Variants in SMG7 observed in about 807,000 individuals in gnomAD.
SMG7 encodes the protein nonsense-mediated mRNA decay factor SMG7.
In SMG7, 34 loss-of-function variants were observed where a neutral mutation model predicts 148.2. The ratio of observed to expected loss-of-function variants is 0.23; its 90% CI spans 0.17 to 0.31. The LOEUF (loss-of-function observed/expected upper bound fraction) is 0.31. Ranked by LOEUF, SMG7 falls within the 10% of genes least tolerant of loss-of-function variation. The probability of loss-of-function intolerance (pLI) is 1.00; values close to 1 mark genes in which losing one functional copy is unlikely to be tolerated. For synonymous variants in SMG7, 492 were observed against 515.1 expected, an observed-to-expected ratio of 0.96 and a Z score of 0.61; for missense variants, 1,114 against 1,408.4, an observed-to-expected ratio of 0.79 and a Z score of 3.35.
At chr1:183,502,508 C>T in intron 1 of SMG7, 1 of 831,018 alleles carries the variant, frequency 1.2e-6, no homozygotes, top group Non-Finnish European at 1.7e-6. Flanking sequence ...TTGATTTTGG[C>T]CAAGATCGGG....
At chr1:183,523,614 T>C (rs190421197) in intron 4 of SMG7, among the ~76,000 whole-genome samples, 12 of 152,254 alleles carry the variant, frequency 7.9e-5, no homozygotes, top group Admixed American at 6.5e-4. Context: ...TTATGAAACA[T>C]CCTTTTCTCT....
At chr1:183,520,186 T>C (rs1236965187) in intron 4 of SMG7, among the ~76,000 whole-genome samples, 1 of 152,154 alleles carries the variant, frequency 6.6e-6, no homozygotes, top group Non-Finnish European at 1.5e-5. Flanking sequence ...AGTTAAATTA[T>C]GGCATAACTG....
intron 12 of SMG7, 60 bp from the exon 13 acceptor site, chr1:183,540,924 T>C (rs1668702863): frequency 6.4e-7 from 1 of 1,570,312 alleles, no homozygotes; most frequent in Admixed American, 1.7e-5. Flanking sequence ...GTGAACTTGG[T>C]TGCCTGGAAA....
chr1:183,485,141 A>C (rs767635237), intron 1 of SMG7, among the ~76,000 whole-genome samples: 1 of 152,218 alleles, frequency 6.6e-6, no homozygotes, highest in Non-Finnish European at 1.5e-5. Flanking sequence ...GCAAACAGGC[A>C]TAGGAGACAT....
intron 1 of SMG7, among the ~76,000 whole-genome samples, 174 bp from the exon 2 acceptor site, chr1:183,512,663 T>C (rs1278189113): frequency 3.3e-5 from 5 of 152,180 alleles, no homozygotes; most frequent in African/African-American, 9.7e-5. Flanking sequence ...GCCAAGACCT[T>C]GTGCTACCCT....
intron 1 of SMG7, among the ~76,000 whole-genome samples, chr1:183,502,877 T>C (rs1414888710): frequency 6.6e-6 from 1 of 152,222 alleles, no homozygotes; most frequent in Non-Finnish European, 1.5e-5. Context: ...AGAAGCCCTC[T>C]TGTACATGTG....
chr1:183,539,153 A>G (rs1316176614), intron 12 of SMG7, among the ~76,000 whole-genome samples: 2 of 151,406 alleles, frequency 1.3e-5, no homozygotes, highest in Non-Finnish European at 3.0e-5. Flanking sequence ...CTCCGTCTCA[A>G]AAAAAAAAGA....
intron 18 of SMG7, chr1:183,549,002 A>C: frequency 1.7e-6 from 1 of 575,928 alleles, no homozygotes; most frequent in South Asian, 2.1e-5. Context: ...GGTTTGATCT[A>C]AAAGGAGGAT....
chr1:183,540,606 CTT>C (rs1326687254), intron 12 of SMG7, among the ~76,000 whole-genome samples: 1 of 152,080 alleles, frequency 6.6e-6, no homozygotes, highest in African/African-American at 2.4e-5. Context: ...CTCAGAGACT[CTT>C]AGCATTGCCA....
intron 1 of SMG7, among the ~76,000 whole-genome samples, chr1:183,491,513 A>C (rs919715009): frequency 7.9e-5 from 12 of 152,224 alleles, no homozygotes; most frequent in African/African-American, 2.9e-4. Flanking sequence ...TGTTACATAC[A>C]TGCACATATA....
In SMG7 at chr1:183,538,454, G is replaced by A. The variant is rs201944700; in HGVS notation, c.1295+14G>A. 3.8e-6 allele frequency: 6 copies of A among 1,566,340 alleles called. No individual in the cohort carries two copies. The highest frequency in any genetic ancestry group is 1.4e-5 in the African/African-American group (1 of 73,944). On this transcript the variant is annotated intron_variant, in intron 12 of 22. Transcript: ENST00000688051. The stretch of plus-strand genomic sequence containing the variant: ...ACCTTCTTTCAGGTAGGTGATAGCT[G>A]AAGTACCTTTATCATTGCCAGTGAT...
intron 18 of SMG7, among the ~76,000 whole-genome samples, chr1:183,548,604 C>T (rs749018121): frequency 2.0e-5 from 3 of 152,056 alleles, no homozygotes; most frequent in Admixed American, 2.0e-4. Flanking sequence ...CTTCTCTTGT[C>T]GTAGGTATTT....
chr1:183,539,578 C>T (rs571744742), intron 12 of SMG7, among the ~76,000 whole-genome samples: 1 of 152,282 alleles, frequency 6.6e-6, no homozygotes, highest in Non-Finnish European at 1.5e-5. Context: ...TCTGACCTCC[C>T]TTACGCATTT....
Position 183,545,957 on chromosome 1 carries a change from C to T in SMG7, c.2371-9C>T, listed in dbSNP as rs201632353. The T allele has an allele frequency of 2.6e-4, 412 of 1,570,916 alleles. 3 individuals carry two copies. The African/African-American group carries it at 4.9e-3, about 19-fold the overall frequency. ...ATCCTCACCTTTATGACAGGCGTCT[C>T]TTTTTTAGTATCAACAGGCAGATGC... On this transcript the variant is annotated splice_polypyrimidine_tract_variant and intron_variant, in intron 16 of 22. Transcript: ENST00000688051.
chr1:183,547,983 C>CT (rs1269173484), intron 18 of SMG7, among the ~76,000 whole-genome samples: 2 of 152,094 alleles, frequency 1.3e-5, no homozygotes, highest in African/African-American at 4.8e-5. Context: ...TGCTATGAGG[C>CT]TTTTTCCCCT....
At chr1:183,499,558 G>A (rs536989790) in intron 1 of SMG7, among the ~76,000 whole-genome samples, 72 of 152,278 alleles carry the variant, frequency 4.7e-4, no homozygotes, top group African/African-American at 1.6e-3. Flanking sequence ...CAAGGTGTCT[G>A]TTAAGGTTTT....
intron 4 of SMG7, among the ~76,000 whole-genome samples, chr1:183,525,286 A>T (rs1665615192): frequency 6.6e-6 from 1 of 152,176 alleles, no homozygotes; most frequent in South Asian, 2.1e-4. Context: ...TGCAGCAAAG[A>T]GGTCCAATAA....
intron 8 of SMG7, among the ~76,000 whole-genome samples, chr1:183,531,087 C>G (rs1666772070): frequency 6.6e-6 from 1 of 152,070 alleles, no homozygotes. Flanking sequence ...TGAGGCAGAT[C>G]TATTTGAAAG....
chr1:183,472,555 G>A lies in SMG7; in HGVS notation c.-66G>A. Reference sequence around the variant, plus strand: ...CCGCCAGCACCCGCGGTGCCGCGGGGCCGCTCCGAGGAGCCTGAGAGACCC... The same window carrying A: ...CCGCCAGCACCCGCGGTGCCGCGGGACCGCTCCGAGGAGCCTGAGAGACCC... On this transcript the variant is annotated 5_prime_UTR_variant, in exon 1 of 23. Coordinates refer to ENST00000688051, the MANE Select transcript of SMG7 (RefSeq NM_001375584.1). The A allele has an allele frequency of 7.4e-7, 1 of 1,355,142 alleles. No homozygotes were observed. The highest frequency in any genetic ancestry group is 9.6e-7 in the Non-Finnish European group (1 of 1,046,440). The allele number at this position is 1,355,142 out of a possible 1,614,324, so 83.9% of individuals were successfully genotyped here.
Sources: gnomAD v4.1 joint callset for allele counts (sites outside exome capture counted in the v4.1 genomes callset) on GRCh38, gnomAD v4.1.1 for gene constraint, MANE v1.5 for transcripts, NCBI Gene and HGNC (gene_info 2026-07-23, HGNC 2026-07-21) for gene names.